Variants in ADSL observed in about 807,000 individuals in gnomAD.
The protein encoded by ADSL is adenylosuccinate lyase.
In ADSL, 44 loss-of-function variants were observed where a neutral mutation model predicts 62.1. The observed-to-expected ratio is 0.71, with a 90% CI of 0.56 to 0.91. The LOEUF is 0.91. Ranked by LOEUF, ADSL falls within the 40% of genes least tolerant of loss-of-function variation. The pLI is 0.00. For synonymous variants in ADSL, 198 were observed against 220.5 expected (o/e 0.90, Z 0.90); for missense variants, 531 against 627.4 (o/e 0.85, Z 1.64).
At chr22:40,376,739 G>C (rs2046688391) in intron 2 of ADSL, among the ~76,000 whole-genome samples, 1 of 152,054 alleles carries the variant, frequency 6.6e-6, no homozygotes, top group Non-Finnish European at 1.5e-5. Context: ...AACTTAGTCT[G>C]ACTCTAGAGT....
chr22:40,365,177 T>G, intron 12 of ADSL, 121 bp downstream of exon 12: 1 of 1,115,384 alleles, frequency 9.0e-7, no homozygotes, highest in Non-Finnish European at 1.3e-6. Flanking sequence ...CAGAGCAGGT[T>G]GCTGGCTAAA....
intron 12 of ADSL, 79 bp downstream of exon 12, chr22:40,365,135 G>C: frequency 6.8e-7 from 1 of 1,464,204 alleles, no homozygotes; most frequent in Non-Finnish European, 9.6e-7. Flanking sequence ...TTTATAGGAG[G>C]TATGGTGGGA....
chr22:40,346,567 T>A lies in ADSL; in HGVS notation c.9T>A (p.Ala3=). Residue 3 remains alanine, a synonymous_variant, in exon 1 of 13, where the codon GCT becomes GCA. Transcript: ENST00000623063. MA[A]GGDHGSPDSY... The stretch of plus-strand genomic sequence containing the variant: ...GGGGTCGCAGGGTTGGGATGGCGGC[T>A]GGAGGCGATCATGGTTCGCCCGACA... 2 of 1,604,788 alleles carry A rather than the reference T, an allele frequency of 1.2e-6. No homozygotes were observed. The highest frequency in any genetic ancestry group is 1.7e-6 in the Non-Finnish European group (2 of 1,176,998).
At chr22:40,357,151 C>T (rs941641238) in intron 4 of ADSL, among the ~76,000 whole-genome samples, 1 of 152,072 alleles carries the variant, frequency 6.6e-6, no homozygotes, top group Non-Finnish European at 1.5e-5. Context: ...CTGCCTCGGC[C>T]TCCCAAAGTG....
intron 1 of ADSL, among the ~76,000 whole-genome samples, 200 bp from the exon 2 acceptor site, chr22:40,349,632 T>C (rs2044270024): frequency 6.6e-6 from 1 of 152,088 alleles, no homozygotes; most frequent in South Asian, 2.1e-4. Context: ...CCATGATTCA[T>C]TGAGAAGTTC....
In ADSL at chr22:40,353,078, G is replaced by A. The variant is rs138203195; in HGVS notation, c.363G>A (p.Leu121=). The change falls in exon 3 of 13, where the codon TTG becomes TTA. Residue 121 remains leucine (L), a synonymous_variant. Coordinates refer to ENST00000623063, the MANE Select transcript of ADSL (RefSeq NM_000026.4). The part of the protein sequence containing the change: ...TSCYVGDNTD[L]IILRNALDLL... ...CATTGCATTTTCTTTCGTAGGACTTGATTATTCTTAGAAATGCACTTGACC... is the reference window on the plus strand; with the variant it reads ...CATTGCATTTTCTTTCGTAGGACTTAATTATTCTTAGAAATGCACTTGACC... 2.6e-4 allele frequency: 416 copies of A among 1,613,536 alleles called. No individual in the cohort carries two copies. The highest frequency in any genetic ancestry group is 2.7e-4 in the Non-Finnish European group (321 of 1,179,478).
At chr22:40,363,993 C>T (rs1418175941) in intron 10 of ADSL, among the ~76,000 whole-genome samples, 1 of 151,664 alleles carries the variant, frequency 6.6e-6, no homozygotes, top group African/African-American at 2.4e-5. Context: ...AGGAGAATGG[C>T]GTGAGCCCAG....
downstream of ADSL, among the ~76,000 whole-genome samples, chr22:40,371,720 C>T (rs1373933476): frequency 6.6e-6 from 1 of 150,734 alleles, no homozygotes; most frequent in Non-Finnish European, 1.5e-5. Flanking sequence ...TTTTTTAAGA[C>T]GGGAGTTTCG....
At chr22:40,376,373 C>G (rs997174585) in intron 2 of ADSL, 1 of 151,754 alleles carries the variant, frequency 6.6e-6, no homozygotes, top group East Asian at 1.9e-4. Flanking sequence ...ACTGAAACCT[C>G]AAACTCCTGG....
chr22:40,378,686 C>G (rs1569138533), intron 2 of ADSL, among the ~76,000 whole-genome samples: 1 of 152,016 alleles, frequency 6.6e-6, no homozygotes, highest in South Asian at 2.1e-4. Flanking sequence ...AGATCACACA[C>G]TGCACTCCAG....
intron 2 of ADSL, among the ~76,000 whole-genome samples, chr22:40,377,995 A>G (rs1278125353): frequency 6.6e-6 from 1 of 152,236 alleles, no homozygotes; most frequent in Non-Finnish European, 1.5e-5. Flanking sequence ...ATTACTAGCA[A>G]ACAGATTTCT....
At chr22:40,365,330 T>A (rs2044961507) in intron 12 of ADSL, among the ~76,000 whole-genome samples, 1 of 152,130 alleles carries the variant, frequency 6.6e-6, no homozygotes, top group Non-Finnish European at 1.5e-5. Context: ...GATACCGCTG[T>A]TTTGAGCTGC....
rs1003106345 is a variant in ADSL at position 40,366,928 on chromosome 22, G to A, written c.*406G>A. ...TCAATGGTCAGATACCTTTTATTTC[G>A]GTTATTTTTGGCTAGTATAAGTGAT... On this transcript the variant is annotated 3_prime_UTR_variant, in exon 13 of 13. Transcript: ENST00000623063. 11 of 188,944 alleles carry A rather than the reference G, an allele frequency of 5.8e-5. No homozygotes were observed. The highest frequency in any genetic ancestry group is 1.4e-4 in the East Asian group (1 of 7,010). The allele number at this position is 188,944 out of a possible 1,614,324, so 11.7% of individuals were successfully genotyped here.
At chr22:40,371,395 G>A (rs2045441112), downstream of ADSL, among the ~76,000 whole-genome samples, 2 of 152,216 alleles carry the variant, frequency 1.3e-5, no homozygotes, top group Admixed American at 1.3e-4. Context: ...GTGGTGGGTT[G>A]ATGGCTCTTT....
intron 1 of ADSL, chr22:40,349,007 T>G (rs2044247006): frequency 6.3e-6 from 1 of 158,966 alleles, no homozygotes; most frequent in Non-Finnish European, 1.4e-5. Context: ...TGTATATAAT[T>G]TCCTGGCAAA....
At chr22:40,366,364 G>T in intron 12 of ADSL, 72 bp from the exon 13 acceptor site, 2 of 1,130,080 alleles carry the variant, frequency 1.8e-6, no homozygotes, top group South Asian at 2.5e-5. Flanking sequence ...GGTATCCCCT[G>T]ACATTGGAAA....
intron 11 of ADSL, 104 bp from the exon 12 acceptor site, chr22:40,364,776 G>A (rs2044934802): frequency 8.0e-7 from 1 of 1,243,322 alleles, no homozygotes; most frequent in African/African-American, 1.5e-5. Flanking sequence ...GGGGTTTTGT[G>A]TAGAGCTGTG....
Position 40,359,258 on chromosome 22 carries a change from A to G in ADSL, c.655-2A>G. On this transcript the variant is annotated splice_acceptor_variant, in intron 5 of 12. Transcript: ENST00000623063. LOFTEE classifies it high-confidence loss of function. Reference sequence around the variant, plus strand: ...TATAAGGATGTGTCTTTTCTTTCCAAGGTAGAGCAGCTTGACAAGATGGTG... The same window carrying G: ...TATAAGGATGTGTCTTTTCTTTCCAGGGTAGAGCAGCTTGACAAGATGGTG... 6.2e-7 allele frequency: 1 copy of G among 1,614,110 alleles called. No individual in the cohort carries two copies. The highest frequency in any genetic ancestry group is 8.5e-7 in the Non-Finnish European group (1 of 1,179,978).
chr22:40,346,724 G>A lies in ADSL; in HGVS notation c.153+13G>A, dbSNP rs2044153839. 2 of 1,593,322 alleles carry A rather than the reference G, an allele frequency of 1.3e-6. No individual in the cohort carries two copies. Among genetic ancestry groups the A allele is most frequent in the African/African-American group, 1.3e-5 (1 of 74,688 alleles). On this transcript the variant is annotated intron_variant, in intron 1 of 12. Transcript: ENST00000623063. ...GGAGGCCGAGCAGGTAACGGATCCC[G>A]GGCTGAGGGGCTGGGCCGGGAGGGA...
Sources: gnomAD v4.1 joint callset for allele counts (sites outside exome capture counted in the v4.1 genomes callset) on GRCh38, gnomAD v4.1.1 for gene constraint, MANE v1.5 for transcripts, NCBI Gene and HGNC (gene_info 2026-07-23, HGNC 2026-07-21) for gene names.